Variants in CWC27 observed in about 807,000 individuals in gnomAD.
CWC27 encodes the protein spliceosome-associated protein CWC27 homolog.
A neutral mutation model predicts 63.6 loss-of-function variants in CWC27; 47 were observed. That is an observed-to-expected ratio of 0.74 (90% confidence interval 0.58 to 0.94). CWC27 has a LOEUF of 0.94. CWC27 is among the 40% of genes least tolerant of loss of function. CWC27 has a pLI of 0.00. For synonymous variants in CWC27, 175 were observed against 179.8 expected (o/e 0.97, Z 0.22); for missense variants, 495 against 554.3 (o/e 0.89, Z 1.07).
Position 65,018,277 on chromosome 5 carries a change from G to A in CWC27, c.1375G>A (p.Glu459Lys), listed in dbSNP as rs190561984. The A allele has an allele frequency of 1.2e-6, 2 of 1,603,860 alleles. No individual in the cohort carries two copies. Among genetic ancestry groups the A allele is most frequent in the Non-Finnish European group, 8.5e-7 (1 of 1,176,470 alleles). The change falls in exon 14 of 14, where the codon GAA becomes AAA. Residue 459 changes from glutamate to lysine, a missense_variant. Glu to Lys is a moderately conservative substitution (Grantham distance 56, BLOSUM62 1). Transcript: ENST00000381070. ...PRNPVNKRRR[E>K]ESKKLMREKK... Reference sequence around the variant, plus strand: ...GAATCCAGTGAATAAAAGAAGGAGGGAAGAAAGCAAAAAGCTGATGAGAGA... The same window carrying A: ...GAATCCAGTGAATAAAAGAAGGAGGAAAGAAAGCAAAAAGCTGATGAGAGA...
intron 10 of CWC27, among the ~76,000 whole-genome samples, chr5:64,882,922 A>G (rs1461800676): frequency 6.6e-6 from 1 of 152,182 alleles, no homozygotes; most frequent in African/African-American, 2.4e-5. Flanking sequence ...TCTGTCTACT[A>G]GGAAACTTAA....
chr5:64,991,308 G>A (rs140910704), intron 13 of CWC27, among the ~76,000 whole-genome samples: 133 of 152,068 alleles, frequency 8.7e-4, no homozygotes, highest in Middle Eastern at 6.8e-3. Context: ...GGGCTTTTGG[G>A]GATAGTACTC....
At chr5:64,977,016 A>G (rs1160310431) in intron 12 of CWC27, 119 bp from the exon 13 acceptor site, 1 of 531,786 alleles carries the variant, frequency 1.9e-6, no homozygotes, top group African/African-American at 2.0e-5. Context: ...TTTTGTTCAA[A>G]ATCAAACATT....
chr5:64,773,627 T>G (rs1379081726), intron 1 of CWC27, among the ~76,000 whole-genome samples: 2 of 152,224 alleles, frequency 1.3e-5, no homozygotes, highest in African/African-American at 4.8e-5. Flanking sequence ...TGGTCACAAA[T>G]TATTGACACT....
chr5:64,873,136 G>A (rs183038599), intron 10 of CWC27, among the ~76,000 whole-genome samples: 2 of 152,234 alleles, frequency 1.3e-5, no homozygotes, highest in Admixed American at 1.3e-4. Context: ...CTGTGAACAC[G>A]GAAGGTGTAC....
intron 10 of CWC27, among the ~76,000 whole-genome samples, chr5:64,868,770 A>G (rs1423240628): frequency 6.6e-6 from 1 of 152,018 alleles, no homozygotes; most frequent in Non-Finnish European, 1.5e-5. Context: ...TGTGAAATAT[A>G]TCAATTTTTG....
chr5:64,886,830 G>T (rs1747081845), intron 11 of CWC27, among the ~76,000 whole-genome samples: 1 of 152,022 alleles, frequency 6.6e-6, no homozygotes, highest in Non-Finnish European at 1.5e-5. Context: ...TAGAAGAAGG[G>T]ATAAACTTAT....
intron 3 of CWC27, among the ~76,000 whole-genome samples, chr5:64,783,555 T>C (rs1743771759): frequency 2.0e-5 from 3 of 152,172 alleles, no homozygotes; most frequent in Non-Finnish European, 4.4e-5. Flanking sequence ...AATAGGGAAA[T>C]GACTTAGAAA....
At chr5:64,842,824 A>G (rs1745880068) in intron 10 of CWC27, among the ~76,000 whole-genome samples, 1 of 149,042 alleles carries the variant, frequency 6.7e-6, no homozygotes. Context: ...CTGGTCTCAA[A>G]CTCCTGACTC....
chr5:64,793,330 T>C (rs1419353440), intron 7 of CWC27, among the ~76,000 whole-genome samples: 1 of 152,194 alleles, frequency 6.6e-6, no homozygotes, highest in Non-Finnish European at 1.5e-5. Context: ...CTTTTTTGTC[T>C]GCTTTATGTA....
At chr5:64,852,277 G>A (rs573250797) in intron 10 of CWC27, among the ~76,000 whole-genome samples, 1 of 152,130 alleles carries the variant, frequency 6.6e-6, no homozygotes, top group South Asian at 2.1e-4. Flanking sequence ...ACTTTAGGTT[G>A]TATACATACT....
intron 11 of CWC27, among the ~76,000 whole-genome samples, chr5:64,942,465 A>G (rs1260374111): frequency 6.6e-6 from 1 of 151,226 alleles, no homozygotes; most frequent in Admixed American, 6.6e-5. Flanking sequence ...AAAAAAGATA[A>G]AAGAAAAACA....
At chr5:64,939,551 T>C (rs186490385) in intron 11 of CWC27, among the ~76,000 whole-genome samples, 212 of 152,334 alleles carry the variant, frequency 1.4e-3, no homozygotes, top group Non-Finnish European at 1.6e-3. Flanking sequence ...AGGTTTCTGA[T>C]GACCCCTGCT....
intron 13 of CWC27, among the ~76,000 whole-genome samples, chr5:64,980,807 T>C (rs1319566425): frequency 6.6e-6 from 1 of 152,168 alleles, no homozygotes; most frequent in Non-Finnish European, 1.5e-5. Flanking sequence ...AGATGTTCAT[T>C]GTGGCCAGGC....
intron 10 of CWC27, among the ~76,000 whole-genome samples, chr5:64,870,796 C>G (rs892836929): frequency 6.6e-6 from 1 of 152,044 alleles, no homozygotes; most frequent in Admixed American, 6.6e-5. Context: ...TGGTAAACCA[C>G]CTTGCAAATC....
intron 7 of CWC27, among the ~76,000 whole-genome samples, chr5:64,797,741 G>A (rs1343332421): frequency 2.6e-5 from 4 of 151,980 alleles, no homozygotes; most frequent in Admixed American, 6.6e-5. Context: ...ACTTAAAATC[G>A]CTCTTAGTGG....
At chr5:64,772,642 A>AT (rs1185646721) in intron 1 of CWC27, among the ~76,000 whole-genome samples, 1 of 142,908 alleles carries the variant, frequency 7.0e-6, no homozygotes, top group Non-Finnish European at 1.5e-5. Context: ...AAAAAAAAAA[A>AT]AAAAAAAAAA....
chr5:64,846,625 A>C (rs1745986562), intron 10 of CWC27, among the ~76,000 whole-genome samples: 1 of 152,208 alleles, frequency 6.6e-6, no homozygotes, highest in Admixed American at 6.5e-5. Context: ...ATAGAAAACC[A>C]TCAAATCACA....
intron 11 of CWC27, among the ~76,000 whole-genome samples, chr5:64,897,111 G>A (rs1317665767): frequency 5.3e-5 from 8 of 152,128 alleles, no homozygotes; most frequent in African/African-American, 2.4e-5. Context: ...TACTGGGGAA[G>A]CTGAGGAGAA....
Sources: allele counts gnomAD v4.1 joint callset (sites outside exome capture counted in the v4.1 genomes callset), GRCh38; gene constraint gnomAD v4.1.1; transcripts MANE v1.5; gene names NCBI Gene and HGNC (gene_info 2026-07-23, HGNC 2026-07-21).